ACACA: variants seen among roughly 807,000 people sequenced by gnomAD.
ACACA encodes the protein acetyl-CoA carboxylase 1.
In ACACA, 103 loss-of-function variants were observed where a neutral mutation model predicts 296.1. The observed-to-expected ratio is 0.35, with a 90% CI of 0.30 to 0.41. The LOEUF (loss-of-function observed/expected upper bound fraction) is 0.41. Ranked by LOEUF, ACACA falls within the 10% of genes least tolerant of loss-of-function variation. The pLI, the probability that ACACA is intolerant of heterozygous loss-of-function variation, is 1.00. For synonymous variants in ACACA, 953 were observed against 1,038.6 expected (o/e 0.92, Z 1.58); for missense variants, 1,554 against 2,989.7 (o/e 0.52, Z 11.20).
chr17:37,223,191 A>T (rs2079376134), intron 28 of ACACA, among the ~76,000 whole-genome samples: 1 of 152,202 alleles, frequency 6.6e-6, no homozygotes, highest in Non-Finnish European at 1.5e-5. Flanking sequence ...GATCAGCCAT[A>T]TATTTTCGCT....
chr17:37,146,624 G>A (rs763418619), intron 45 of ACACA, among the ~76,000 whole-genome samples: 2 of 145,600 alleles, frequency 1.4e-5, no homozygotes, highest in Non-Finnish European at 3.0e-5. Flanking sequence ...TATTTCCACC[G>A]GAGCTGCAGC....
At chr17:37,365,593 T>C (rs1466300827) in intron 1 of ACACA, 1 of 985,406 alleles carries the variant, frequency 1.0e-6, no homozygotes, top group Non-Finnish European at 1.2e-6. Context: ...GCTCCAGTTG[T>C]GATATAAAAG....
chr17:37,302,879 G>A (rs1205995749), intron 3 of ACACA, among the ~76,000 whole-genome samples: 1 of 151,946 alleles, frequency 6.6e-6, no homozygotes, highest in Non-Finnish European at 1.5e-5. Flanking sequence ...CCACTTAAAG[G>A]GTACAATTCA....
Position 37,238,173 on chromosome 17 carries a change from G to A in ACACA, c.3121+2303C>T, listed in dbSNP as rs543330980. Among the ~76,000 whole-genome samples the A allele has an allele frequency of 4.6e-5, 7 of 151,998 alleles. No homozygotes were observed. The East Asian group carries it at 1.4e-3, about 29-fold the overall frequency. ...AATCTTCCTATCCTGAGGTTATAAC[G>A]ATATTCTCCTAACCATTTAACAGCT... is the stretch of plus-strand genomic sequence containing the variant. On this transcript the variant is annotated intron_variant, in intron 24 of 55. Transcript: ENST00000616317.
intron 3 of ACACA, among the ~76,000 whole-genome samples, chr17:37,292,828 C>T (rs1279965224): frequency 1.3e-5 from 2 of 152,196 alleles, no homozygotes; most frequent in Admixed American, 1.3e-4. Context: ...CGCACCACTG[C>T]ACTCCAGCCT....
chr17:37,149,387 C>T (rs2075947952), intron 45 of ACACA, among the ~76,000 whole-genome samples: 1 of 152,164 alleles, frequency 6.6e-6, no homozygotes, highest in Admixed American at 6.5e-5. Flanking sequence ...AACACCTAGG[C>T]CGGTACCTAA....
chr17:37,234,541 G>C (rs1188704227), intron 25 of ACACA, among the ~76,000 whole-genome samples: 1 of 151,998 alleles, frequency 6.6e-6, no homozygotes, highest in Non-Finnish European at 1.5e-5. Flanking sequence ...AAATTTCTCT[G>C]GTCAGAGAGG....
intron 1 of ACACA, among the ~76,000 whole-genome samples, chr17:37,343,680 C>G (rs1040885579): frequency 6.7e-6 from 1 of 150,230 alleles, no homozygotes; most frequent in African/African-American, 2.5e-5. Context: ...CAGAGAACTG[C>G]TTGAACCTAG....
intron 45 of ACACA, among the ~76,000 whole-genome samples, chr17:37,147,752 G>A (rs2075874115): frequency 6.6e-6 from 1 of 152,110 alleles, no homozygotes; most frequent in African/African-American, 2.4e-5. Flanking sequence ...AGCATTGTTT[G>A]GTAAGTTAAA....
At chr17:37,198,752 A>G (rs2078116447) in intron 35 of ACACA, among the ~76,000 whole-genome samples, 1 of 152,220 alleles carries the variant, frequency 6.6e-6, no homozygotes, top group African/African-American at 2.4e-5. Context: ...GTTTCTCTAT[A>G]GACTAGACCA....
chr17:37,104,962 A>G (rs1466305457), intron 52 of ACACA, among the ~76,000 whole-genome samples: 1 of 151,598 alleles, frequency 6.6e-6, no homozygotes, highest in East Asian at 1.9e-4. Flanking sequence ...AAAAAAAAAA[A>G]AAAAGCTAAA....
intron 1 of ACACA, among the ~76,000 whole-genome samples, chr17:37,371,772 C>A (rs1381662342): frequency 6.6e-6 from 1 of 151,780 alleles, no homozygotes; most frequent in Non-Finnish European, 1.5e-5. Flanking sequence ...TGGTGATGGG[C>A]GCTTGTAATC....
At chr17:37,233,867 C>A (rs2079981239) in intron 25 of ACACA, among the ~76,000 whole-genome samples, 1 of 152,124 alleles carries the variant, frequency 6.6e-6, no homozygotes, top group Non-Finnish European at 1.5e-5. Context: ...CGTTTCCCTA[C>A]CATCTAGCTA....
chr17:37,279,772 C>G (rs937143751), intron 5 of ACACA, among the ~76,000 whole-genome samples: 8 of 152,254 alleles, frequency 5.3e-5, no homozygotes, highest in African/African-American at 1.4e-4. Flanking sequence ...GATTGCGCCA[C>G]TGCACTCCAG....
At chr17:37,236,478 GTTT>G (rs1041107294) in intron 24 of ACACA, among the ~76,000 whole-genome samples, 1 of 141,384 alleles carries the variant, frequency 7.1e-6, no homozygotes. Flanking sequence ...ATACTTTCTT[GTTT>G]TTTTTTTTTT....
chr17:37,301,025 CA>C (rs2083592236), intron 3 of ACACA, among the ~76,000 whole-genome samples: 1 of 152,160 alleles, frequency 6.6e-6, no homozygotes, highest in Admixed American at 6.5e-5. Flanking sequence ...GTCTACAAAA[CA>C]AACTTGTTAT....
At chr17:37,257,895 T>C (rs2081289692) in intron 13 of ACACA, 29 bp from the exon 14 acceptor site, 2 of 1,611,458 alleles carry the variant, frequency 1.2e-6, no homozygotes, top group Non-Finnish European at 8.5e-7. Flanking sequence ...TGAGAGACCA[T>C]ATTATGTTTC....
At chr17:37,251,971 T>C in intron 16 of ACACA, 34 bp downstream of exon 16, 1 of 1,576,072 alleles carries the variant, frequency 6.3e-7, no homozygotes, top group Non-Finnish European at 8.7e-7. Flanking sequence ...GGACCATTGA[T>C]TAGTTTGTGT....
chr17:37,121,464 C>T lies in ACACA; in HGVS notation c.6165G>A (p.Trp2055Ter). 1 of 1,614,152 alleles carries T rather than the reference C, an allele frequency of 6.2e-7. No individual in the cohort carries two copies. The highest frequency in any genetic ancestry group is 8.5e-7 in the Non-Finnish European group (1 of 1,180,024). The change falls in exon 50 of 56, where the codon TGG (tryptophan) becomes TGA (stop). Residue 2055 changes from tryptophan (W) to a stop codon, truncating the protein, a stop_gained. Transcript: ENST00000616317. LOFTEE classifies it high-confidence loss of function. ...AKIIQQAGQV[W>*]FPDSAFKTYQ... is the part of the protein sequence containing the mutation. The stretch of plus-strand genomic sequence containing the variant: ...ACGTCTTAAACGCAGAATCTGGGAA[C>T]CAAACCTGGCCAGCCTGCTGGATTA...
Sources: allele counts gnomAD v4.1 joint callset (sites outside exome capture counted in the v4.1 genomes callset), GRCh38; gene constraint gnomAD v4.1.1; transcripts MANE v1.5; gene names NCBI Gene and HGNC (gene_info 2026-07-23, HGNC 2026-07-21).